The following CSMD1 variants were observed in gnomAD, a reference collection of about 807,000 sequenced individuals.
CSMD1 encodes CUB and Sushi multiple domains 1, also known as CUB and sushi domain-containing protein 1.
CSMD1 carries 213 observed loss-of-function variants against 417.5 expected under a neutral mutation model. The observed-to-expected ratio is 0.51, with a 90% CI of 0.46 to 0.57. The LOEUF (loss-of-function observed/expected upper bound fraction) is 0.57. Ranked by LOEUF, CSMD1 falls within the 20% of genes least tolerant of loss-of-function variation. The pLI is 0.00. For missense variants in CSMD1, 6,923 were observed against 4,529.7 expected (o/e 1.53, Z -15.17); for synonymous variants, 2,862 against 1,736.8 (o/e 1.65, Z -16.11).
At chr8:3,866,117 T>C (rs553799508) in intron 5 of CSMD1, among the ~76,000 whole-genome samples, 1 of 152,322 alleles carries the variant, frequency 6.6e-6, no homozygotes, top group Non-Finnish European at 1.5e-5. Flanking sequence ...CATTATTCCA[T>C]ATGTAAGTGT....
chr8:4,961,183 A>G (rs1189656076), intron 1 of CSMD1, among the ~76,000 whole-genome samples: 2 of 152,188 alleles, frequency 1.3e-5, no homozygotes, highest in Admixed American at 6.6e-5. Context: ...GATACATCTT[A>G]CTTTTAGAAT....
intron 30 of CSMD1, among the ~76,000 whole-genome samples, chr8:3,210,099 A>C (rs984448127): frequency 6.6e-6 from 1 of 152,246 alleles, no homozygotes; most frequent in Non-Finnish European, 1.5e-5. Flanking sequence ...TGATGCAGGA[A>C]CTATCAAAAG....
chr8:3,213,606 A>G (rs1040972395), intron 30 of CSMD1, among the ~76,000 whole-genome samples: 3 of 152,092 alleles, frequency 2.0e-5, no homozygotes, highest in Non-Finnish European at 4.4e-5. Context: ...GGGAAATGAC[A>G]TATCCATTTA....
intron 40 of CSMD1, among the ~76,000 whole-genome samples, chr8:3,148,515 T>C (rs2129034480): frequency 6.6e-6 from 1 of 152,304 alleles, no homozygotes; most frequent in South Asian, 2.1e-4. Context: ...ACAAGACTCA[T>C]GACGCTGCTT....
intron 2 of CSMD1, among the ~76,000 whole-genome samples, chr8:4,535,555 C>T (rs188956918): frequency 1.8e-3 from 272 of 152,162 alleles, no homozygotes; most frequent in South Asian, 0.011. Flanking sequence ...TAAGAGCTCT[C>T]CAAGTTACTC....
intron 4 of CSMD1, among the ~76,000 whole-genome samples, chr8:3,999,504 A>C (rs752188645): frequency 6.6e-6 from 1 of 152,220 alleles, no homozygotes; most frequent in Non-Finnish European, 1.5e-5. Context: ...AATAGAACCA[A>C]TCTTGTCGGC....
chr8:3,113,776 A>G (rs1051475290), intron 42 of CSMD1, among the ~76,000 whole-genome samples: 17 of 152,198 alleles, frequency 1.1e-4, no homozygotes, highest in Non-Finnish European at 2.2e-4. Flanking sequence ...ATACCAGAAA[A>G]TCAACTGGGG....
At chr8:4,788,775 G>A (rs1797542385) in intron 1 of CSMD1, among the ~76,000 whole-genome samples, 3 of 151,940 alleles carry the variant, frequency 2.0e-5, no homozygotes, top group Admixed American at 2.0e-4. Flanking sequence ...AAAATAAAGG[G>A]AAACTATCAT....
chr8:3,226,251 A>G (rs1798496468), intron 27 of CSMD1, among the ~76,000 whole-genome samples: 1 of 152,150 alleles, frequency 6.6e-6, no homozygotes, highest in Non-Finnish European at 1.5e-5. Flanking sequence ...CAGGCTATAT[A>G]AGATAATGAA....
intron 30 of CSMD1, among the ~76,000 whole-genome samples, chr8:3,211,497 G>C (rs1474626657): frequency 6.6e-6 from 1 of 152,144 alleles, no homozygotes; most frequent in Non-Finnish European, 1.5e-5. Context: ...AAGGGTTTGA[G>C]GTCATTGCCC....
chr8:4,868,196 A>C (rs1226180610), intron 1 of CSMD1, among the ~76,000 whole-genome samples: 1 of 152,100 alleles, frequency 6.6e-6, no homozygotes, highest in Non-Finnish European at 1.5e-5. Context: ...TGTTTAGAAA[A>C]ATGCCTGAGC....
At chr8:4,749,437 G>C (rs1323460776) in intron 1 of CSMD1, among the ~76,000 whole-genome samples, 2 of 152,146 alleles carry the variant, frequency 1.3e-5, no homozygotes, top group Non-Finnish European at 2.9e-5. Context: ...ATTGCCGTTT[G>C]GCCATGGAAA....
chr8:4,031,073 T>C (rs1303873220), intron 4 of CSMD1, among the ~76,000 whole-genome samples: 2 of 152,180 alleles, frequency 1.3e-5, no homozygotes, highest in South Asian at 4.2e-4. Context: ...AACAAGTCTC[T>C]AGAGAATTCC....
intron 1 of CSMD1, among the ~76,000 whole-genome samples, chr8:4,784,284 A>G (rs1008257365): frequency 4.6e-5 from 7 of 152,218 alleles, no homozygotes; most frequent in African/African-American, 1.4e-4. Flanking sequence ...CTCTAGTTCT[A>G]TAACTAAAGA....
intron 5 of CSMD1, among the ~76,000 whole-genome samples, chr8:3,785,156 C>A (rs1799385829): frequency 6.6e-6 from 1 of 152,144 alleles, no homozygotes; most frequent in Non-Finnish European, 1.5e-5. Flanking sequence ...CTTCTCTTGG[C>A]CTTAGTGCCT....
At chr8:3,609,751 A>C (rs1427418958) in intron 8 of CSMD1, among the ~76,000 whole-genome samples, 1 of 138,810 alleles carries the variant, frequency 7.2e-6, no homozygotes. Context: ...AAAAAAAAAA[A>C]CCGAATTACC....
intron 5 of CSMD1, among the ~76,000 whole-genome samples, chr8:3,879,011 A>G (rs1408991689): frequency 2.0e-5 from 3 of 152,178 alleles, no homozygotes; most frequent in African/African-American, 4.8e-5. Flanking sequence ...TAGTACTAAT[A>G]ATTTAGTATA....
At chr8:3,384,033 T>C (rs1810807478) in intron 18 of CSMD1, among the ~76,000 whole-genome samples, 1 of 152,082 alleles carries the variant, frequency 6.6e-6, no homozygotes, top group Non-Finnish European at 1.5e-5. Context: ...CAATTAAGGT[T>C]CAACCCTGGG....
In CSMD1 at chr8:4,448,088, G is replaced by C. The variant is rs59540395; in HGVS notation, c.303-28023C>G. Among the ~76,000 whole-genome samples the C allele has an allele frequency of 4.7e-3, 723 of 152,266 alleles. 7 individuals are homozygous for C. The highest frequency in any genetic ancestry group is 0.016 in the African/African-American group (685 of 41,550). The stretch of plus-strand genomic sequence containing the variant: ...AGCTTAGCTGTCCAGTGGAAATTCT[G>C]TTCCCTTCTCTATGTTCTTGATCTC... On this transcript the variant is annotated intron_variant, in intron 2 of 69. Transcript: ENST00000635120.
Sources: allele counts gnomAD v4.1 joint callset (sites outside exome capture counted in the v4.1 genomes callset), GRCh38; gene constraint gnomAD v4.1.1; transcripts MANE v1.5; gene names NCBI Gene and HGNC (gene_info 2026-07-23, HGNC 2026-07-21).